The following SDC2 variants were observed in gnomAD, a reference collection of about 807,000 sequenced individuals.
SDC2 encodes the protein syndecan-2.
SDC2 carries 13 observed loss-of-function variants against 22.2 expected under a neutral mutation model. The observed-to-expected ratio is 0.59, with a 90% CI of 0.38 to 0.93. The LOEUF is 0.93. SDC2 is among the 40% of genes least tolerant of loss of function. The pLI, the probability that SDC2 is intolerant of heterozygous loss-of-function variation, is 0.00. For missense variants in SDC2, 235 were observed against 246.8 expected (o/e 0.95, Z 0.32); for synonymous variants, 94 against 92.8 (o/e 1.01, Z -0.07).
rs10111750 is a variant in SDC2, at chr8:96,604,230, T to A, written c.306+1702T>A. On this transcript the variant is annotated intron_variant, in intron 3 of 4. Coordinates refer to ENST00000302190, the MANE Select transcript of SDC2 (RefSeq NM_002998.4). ...TGACATAGAGTTCTGTCTGGTTTGT[T>A]AACAGCAATGGATTGACCACTAATT... Among the ~76,000 whole-genome samples, 680 of 152,292 alleles carry A rather than the reference T, an allele frequency of 4.5e-3. 4 individuals are homozygous for A. Among genetic ancestry groups the A allele is most frequent in the Non-Finnish European group, 7.2e-3 (487 of 68,024 alleles).
At chr8:96,547,860 C>T (rs1813960873) in intron 1 of SDC2, among the ~76,000 whole-genome samples, 1 of 151,882 alleles carries the variant, frequency 6.6e-6, no homozygotes, top group Admixed American at 6.6e-5. Context: ...TCCTGCTGCT[C>T]AAGTGATCCT....
intron 1 of SDC2, among the ~76,000 whole-genome samples, chr8:96,582,618 A>C (rs570240478): frequency 6.6e-6 from 1 of 152,200 alleles, no homozygotes; most frequent in Non-Finnish European, 1.5e-5. Context: ...GTGTCCACTT[A>C]TAGGCTTTCC....
chr8:96,527,916 A>G, intron 1 of SDC2, among the ~76,000 whole-genome samples: 1 of 152,358 alleles, frequency 6.6e-6, no homozygotes, highest in South Asian at 2.1e-4. Flanking sequence ...CATGTGTGAT[A>G]TATTTATAAT....
intron 3 of SDC2, 69 bp from the exon 4 acceptor site, chr8:96,608,266 C>T: frequency 6.7e-7 from 1 of 1,499,190 alleles, no homozygotes; most frequent in Non-Finnish European, 9.0e-7. Context: ...GGAATATACT[C>T]ATCTATTATT....
At chr8:96,553,568 A>G (rs1814060988) in intron 1 of SDC2, among the ~76,000 whole-genome samples, 1 of 151,986 alleles carries the variant, frequency 6.6e-6, no homozygotes, top group African/African-American at 2.4e-5. Flanking sequence ...TACCAACACT[A>G]GTTTGAGAGC....
chr8:96,538,375 A>C (rs1481660465), intron 1 of SDC2, among the ~76,000 whole-genome samples: 1 of 150,582 alleles, frequency 6.6e-6, no homozygotes, highest in Non-Finnish European at 1.5e-5. Flanking sequence ...AAATACACAT[A>C]TTAACTATTT....
chr8:96,600,983 G>C (rs1028760500), intron 2 of SDC2, among the ~76,000 whole-genome samples: 2 of 152,142 alleles, frequency 1.3e-5, no homozygotes, highest in Non-Finnish European at 2.9e-5. Context: ...GAGGCCTAGG[G>C]ACAGACCTTC....
chr8:96,497,607 T>G (rs1813095306), intron 1 of SDC2, among the ~76,000 whole-genome samples: 1 of 152,150 alleles, frequency 6.6e-6, no homozygotes, highest in Non-Finnish European at 1.5e-5. Flanking sequence ...GTGGAACTAG[T>G]TTTCAAGTCT....
chr8:96,519,203 CCAGAGTGCA>C (rs1161436499), intron 1 of SDC2, among the ~76,000 whole-genome samples: 1 of 152,040 alleles, frequency 6.6e-6, no homozygotes, highest in Non-Finnish European at 1.5e-5. Context: ...CCCAGAGTGC[CCAGAGTGCA>C]GTGCTTCCTG....
In SDC2 at chr8:96,609,504, A is replaced by G; in HGVS notation, c.562A>G (p.Ser188Gly). The G allele has an allele frequency of 6.2e-7, 1 of 1,609,766 alleles. No individual in the cohort carries two copies. The highest frequency in any genetic ancestry group is 8.5e-7 in the Non-Finnish European group (1 of 1,177,928). Reference protein sequence around the residue: ...SYDLGERKPSSAAYQKAPTKE... With the variant: ...SYDLGERKPSGAAYQKAPTKE... The stretch of plus-strand genomic sequence containing the variant: ...TGACCTTGGAGAACGCAAACCATCC[A>G]GTGCTGCTTATCAGAAGGCACCTAC... Residue 188 changes from serine (S) to glycine (G), a missense_variant, in exon 5 of 5, where the codon AGT (serine) becomes GGT (glycine). Physicochemically the swap from Ser to Gly is moderately conservative, Grantham distance 56. Coordinates refer to ENST00000302190, the MANE Select transcript of SDC2 (RefSeq NM_002998.4).
chr8:96,576,227 C>G (rs921941940), intron 1 of SDC2, among the ~76,000 whole-genome samples: 2 of 151,928 alleles, frequency 1.3e-5, no homozygotes, highest in African/African-American at 4.8e-5. Context: ...GTGATTAATA[C>G]CAGCTCTGGT....
At chr8:96,512,410 C>T (rs1813342511) in intron 1 of SDC2, among the ~76,000 whole-genome samples, 1 of 152,164 alleles carries the variant, frequency 6.6e-6, no homozygotes, top group Non-Finnish European at 1.5e-5. Flanking sequence ...CAGTAAGAAT[C>T]CCAGAATAGC....
Position 96,493,920 on chromosome 8 carries a change from G to A in SDC2, c.-352G>A, listed in dbSNP as rs1813002471. 1 of 300,908 alleles carries A rather than the reference G, an allele frequency of 3.3e-6. No homozygotes were observed. Among genetic ancestry groups the A allele is most frequent in the East Asian group, 6.9e-5 (1 of 14,424 alleles). The allele number at this position is 300,908 out of a possible 1,614,324, so 18.6% of individuals were successfully genotyped here. A position where few individuals can be genotyped will look rare whatever the true frequency, so the allele number is the denominator to read the frequency against. On this transcript the variant is annotated 5_prime_UTR_variant, in exon 1 of 5. Transcript: ENST00000302190. ...CCAGCGAATTTATTCCTTAAAACCA[G>A]AAACTGAACCTCGGCACGGGAAAGG...
intron 1 of SDC2, among the ~76,000 whole-genome samples, chr8:96,554,263 G>A (rs897490906): frequency 1.3e-5 from 2 of 152,072 alleles, no homozygotes; most frequent in African/African-American, 4.8e-5. Flanking sequence ...ATTGAAATAC[G>A]TATTTGAGTA....
intron 1 of SDC2, among the ~76,000 whole-genome samples, chr8:96,523,392 G>C (rs1235815473): frequency 6.6e-6 from 1 of 152,198 alleles, no homozygotes; most frequent in African/African-American, 2.4e-5. Context: ...ATTTGAATGT[G>C]TTACTTACTA....
chr8:96,527,090 A>G (rs1192805284), intron 1 of SDC2, among the ~76,000 whole-genome samples: 1 of 152,148 alleles, frequency 6.6e-6, no homozygotes, highest in African/African-American at 2.4e-5. Context: ...TTCAGCAGCT[A>G]GCATGGTGCC....
At chr8:96,558,819 A>ATGTG (rs57214351) in intron 1 of SDC2, among the ~76,000 whole-genome samples, 188 of 151,624 alleles carry the variant, frequency 1.2e-3, no homozygotes, top group Non-Finnish European at 2.0e-3. Flanking sequence ...ACATTTGAAT[A>ATGTG]TGTGTGTGTG....
chr8:96,518,408 T>G (rs1351728579), intron 1 of SDC2, among the ~76,000 whole-genome samples: 1 of 149,110 alleles, frequency 6.7e-6, no homozygotes, highest in Non-Finnish European at 1.5e-5. Flanking sequence ...TCACGCAGGC[T>G]GGAGTGCAGT....
At chr8:96,530,390 T>A (rs1336265485) in intron 1 of SDC2, among the ~76,000 whole-genome samples, 2 of 152,184 alleles carry the variant, frequency 1.3e-5, no homozygotes, top group Non-Finnish European at 2.9e-5. Context: ...TCCCAGCACT[T>A]TGGGAGGCCC....
Sources: gnomAD v4.1 joint callset for allele counts (sites outside exome capture counted in the v4.1 genomes callset) on GRCh38, gnomAD v4.1.1 for gene constraint, MANE v1.5 for transcripts, NCBI Gene and HGNC (gene_info 2026-07-23, HGNC 2026-07-21) for gene names.